FREM2: variants seen among roughly 807,000 people sequenced by gnomAD.
FREM2 encodes the protein FRAS1 related extracellular matrix 2.
FREM2 carries 119 observed loss-of-function variants against 219.9 expected under a neutral mutation model. That is an observed-to-expected ratio of 0.54 (90% confidence interval 0.47 to 0.63). The LOEUF (loss-of-function observed/expected upper bound fraction) is 0.63, where lower values mean the gene tolerates loss of function less well. FREM2 is among the 30% of genes least tolerant of loss of function. FREM2 has a pLI of 0.00. For synonymous variants in FREM2, 1,562 were observed against 1,522.8 expected, an observed-to-expected ratio of 1.03 and a Z score of -0.60; for missense variants, 4,030 against 3,993.6, an observed-to-expected ratio of 1.01 and a Z score of -0.25.
At chr13:38,859,215 C>A in intron 13 of FREM2, 72 bp from the exon 14 acceptor site, 1 of 1,471,322 alleles carries the variant, frequency 6.8e-7, no homozygotes, top group Non-Finnish European at 9.5e-7. Flanking sequence ...AACTCGATGG[C>A]AGAGAACGGG....
At chr13:38,821,720 G>A (rs1359266660) in intron 6 of FREM2, 1 of 152,090 alleles carries the variant, frequency 6.6e-6, no homozygotes, top group African/African-American at 2.4e-5. Flanking sequence ...CTCACTTCAC[G>A]TGCTTATAGG....
At chr13:38,795,286 G>T (rs1036678417) in intron 6 of FREM2, among the ~76,000 whole-genome samples, 2 of 151,204 alleles carry the variant, frequency 1.3e-5, no homozygotes, top group African/African-American at 4.9e-5. Context: ...CAAGCCTGTT[G>T]TACACCCTGG....
intron 2 of FREM2, among the ~76,000 whole-genome samples, chr13:38,711,913 CTTTTTTTTTTT>C (rs1224297915): frequency 2.8e-5 from 3 of 107,602 alleles, no homozygotes; most frequent in Non-Finnish European, 3.5e-5. Context: ...CTGATAATTT[CTTTTTTTTTTT>C]TTTTTTTTTT....
At chr13:38,795,482 T>C (rs1406707544) in intron 6 of FREM2, among the ~76,000 whole-genome samples, 1 of 152,068 alleles carries the variant, frequency 6.6e-6, no homozygotes, top group Admixed American at 6.6e-5. Context: ...TACATATTTA[T>C]GAGGTACATG....
At chr13:38,717,572 A>G (rs1212894899) in intron 2 of FREM2, among the ~76,000 whole-genome samples, 2 of 151,032 alleles carry the variant, frequency 1.3e-5, no homozygotes, top group African/African-American at 2.5e-5. Context: ...ACACATCAAC[A>G]TGCCCAGCTA....
At chr13:38,841,260 G>A (rs1593439590) in intron 6 of FREM2, among the ~76,000 whole-genome samples, 3 of 152,118 alleles carry the variant, frequency 2.0e-5, no homozygotes, top group East Asian at 1.9e-4. Flanking sequence ...AAAATAATAC[G>A]CGGATTGCTG....
At position 38,764,403 on chromosome 13, in the gene FREM2, A is replaced by T; in HGVS notation, c.5363A>T (p.Asp1788Val). The T allele has an allele frequency of 6.3e-7, 1 of 1,599,050 alleles. No homozygotes were observed. Among genetic ancestry groups the T allele is most frequent in the South Asian group, 1.1e-5 (1 of 90,122 alleles). Residue 1788 changes from aspartate to valine, a missense_variant, in exon 3 of 24, where the codon GAT becomes GTT. Coordinates refer to ENST00000280481, the MANE Select transcript of FREM2 (RefSeq NM_207361.6). ...YLVNEDSKFL[D>V]VVLKRRGYLG... ...GTCAATGAGGACTCCAAATTTCTAG[A>T]TGTTGTTCTTAAACGTAGAGGTTAC...
intron 6 of FREM2, among the ~76,000 whole-genome samples, chr13:38,828,372 A>G (rs2137885448): frequency 6.6e-6 from 1 of 152,250 alleles, no homozygotes; most frequent in East Asian, 1.9e-4. Flanking sequence ...TTATTATTAC[A>G]TGATGATATA....
intron 6 of FREM2, among the ~76,000 whole-genome samples, chr13:38,801,471 T>C (rs1214498915): frequency 6.6e-6 from 1 of 152,226 alleles, no homozygotes; most frequent in Non-Finnish European, 1.5e-5. Context: ...TCTAATTTTT[T>C]GAATTTACTT....
Position 38,691,691 on chromosome 13 carries a change from G to A in FREM2, c.4347G>A (p.Leu1449=). 1.2e-6 allele frequency: 2 copies of A among 1,614,048 alleles called. No homozygotes were observed. Among genetic ancestry groups the A allele is most frequent in the Non-Finnish European group, 8.5e-7 (1 of 1,179,936 alleles). The change falls in exon 1 of 24, where the codon TTG becomes TTA. Residue 1449 remains leucine, a synonymous_variant. Coordinates refer to ENST00000280481, the MANE Select transcript of FREM2 (RefSeq NM_207361.6). ...LTTDLLSTSD[L]NSPDENLVFT... Reference sequence around the variant, plus strand: ...CAGACCTACTAAGCACTAGTGACTTGAACAGTCCTGATGAAAACTTGGTTT... The same window carrying A: ...CAGACCTACTAAGCACTAGTGACTTAAACAGTCCTGATGAAAACTTGGTTT...
chr13:38,861,681 T>C, intron 15 of FREM2, 119 bp downstream of exon 15: 1 of 1,057,328 alleles, frequency 9.5e-7, no homozygotes. Context: ...CAACTTGAGC[T>C]TCAAGTCCTT....
chr13:38,874,256 A>G (rs1878267082), intron 17 of FREM2, among the ~76,000 whole-genome samples: 1 of 152,216 alleles, frequency 6.6e-6, no homozygotes, highest in African/African-American at 2.4e-5. Context: ...TGTGTATTTC[A>G]TAGTGACTTC....
At position 38,874,532 on chromosome 13, in the gene FREM2, G is replaced by A. The variant is rs201978814; in HGVS notation, c.8227G>A (p.Val2743Met). ...CATCGGTGATGAGGGGCGCTTGGCC[G>A]TGCACTTCAAGACAGAGGCTCAGTT... ...MRIGDEGRLA[V>M]HFKTEAQFHG... The change falls in exon 18 of 24, where the codon GTG (valine) becomes ATG (methionine). Residue 2743 changes from valine (V) to methionine (M), a missense_variant. By Grantham distance (21) the Val-to-Met change is conservative. Coordinates refer to ENST00000280481, the MANE Select transcript of FREM2 (RefSeq NM_207361.6). 128 of 1,614,062 alleles carry A rather than the reference G, an allele frequency of 7.9e-5. No homozygotes were observed. Among genetic ancestry groups the A allele is most frequent in the Admixed American group, 7.0e-4 (42 of 60,030 alleles).
intron 1 of FREM2, 115 bp downstream of exon 1, chr13:38,692,632 G>A: frequency 2.4e-6 from 3 of 1,251,864 alleles, no homozygotes; most frequent in East Asian, 2.3e-5. Context: ...GGAAACAAAG[G>A]GGATGGGGAG....
At chr13:38,874,896 C>T (rs1459203036) in intron 18 of FREM2, among the ~76,000 whole-genome samples, 1 of 152,172 alleles carries the variant, frequency 6.6e-6, no homozygotes, top group African/African-American at 2.4e-5. Context: ...TCTTTCTCTG[C>T]TTTGCTTCCA....
chr13:38,692,090 A>T lies in FREM2; in HGVS notation c.4746A>T (p.Leu1582=). Residue 1582 remains leucine (L), a synonymous_variant, in exon 1 of 24, where the codon CTA becomes CTT. Transcript: ENST00000280481. ...AGGTGCCTATTCATGGCCATCTCCT[A>T]TTCAACAATACCAGACCTGTCATGG... ...ITQVPIHGHL[L]FNNTRPVMVF... 6.2e-7 allele frequency: 1 copy of T among 1,614,172 alleles called. No homozygotes were observed. The highest frequency in any genetic ancestry group is 8.5e-7 in the Non-Finnish European group (1 of 1,180,026).
intron 6 of FREM2, among the ~76,000 whole-genome samples, chr13:38,830,346 A>G (rs117486592): frequency 3.9e-4 from 59 of 152,284 alleles, no homozygotes; most frequent in Non-Finnish European, 6.9e-4. Context: ...ATCACAAAGC[A>G]TTGTCACTGT....
intron 6 of FREM2, among the ~76,000 whole-genome samples, chr13:38,790,470 CA>C (rs1460663571): frequency 6.6e-6 from 1 of 151,994 alleles, no homozygotes; most frequent in Non-Finnish European, 1.5e-5. Flanking sequence ...GGAAGGTTTT[CA>C]AGTATATCCT....
At chr13:38,697,611 G>T in intron 1 of FREM2, 87 bp from the exon 2 acceptor site, 1 of 792,180 alleles carries the variant, frequency 1.3e-6, no homozygotes. Flanking sequence ...ATGTTTATAG[G>T]AAAACTAATA....
Sources: allele counts gnomAD v4.1 joint callset (sites outside exome capture counted in the v4.1 genomes callset), GRCh38; gene constraint gnomAD v4.1.1; transcripts MANE v1.5; gene names NCBI Gene and HGNC (gene_info 2026-07-23, HGNC 2026-07-21).